Variants in NF1 observed in about 807,000 individuals in gnomAD.
NF1 encodes neurofibromin 1.
A neutral mutation model predicts 325.7 loss-of-function variants in NF1; 122 were observed. That is an observed-to-expected ratio of 0.37 (90% CI 0.32 to 0.44). NF1 has a LOEUF of 0.44. NF1 is among the 20% of genes least tolerant of loss of function. The pLI, the probability that NF1 is intolerant of heterozygous loss-of-function variation, is 1.00. For synonymous variants in NF1, 1,091 were observed against 1,186.0 expected (o/e 0.92, Z 1.65); for missense variants, 2,140 against 3,415.4 (o/e 0.63, Z 9.31).
chr17:31,185,592 A>G (rs2066224221), intron 8 of NF1, among the ~76,000 whole-genome samples: 1 of 152,160 alleles, frequency 6.6e-6, no homozygotes, highest in Non-Finnish European at 1.5e-5. Context: ...ATATTGCTGC[A>G]TTTGGCCCCT....
chr17:31,348,503 G>A (rs1023855702), intron 48 of NF1, among the ~76,000 whole-genome samples: 1 of 149,866 alleles, frequency 6.7e-6, no homozygotes, highest in Non-Finnish European at 1.5e-5. Flanking sequence ...CAGCAGTTGA[G>A]CAGTTTGGTC....
At chr17:31,276,577 T>C (rs912241335) in intron 36 of NF1, among the ~76,000 whole-genome samples, 4 of 152,244 alleles carry the variant, frequency 2.6e-5, no homozygotes, top group Admixed American at 6.5e-5. Flanking sequence ...CTTATCTGCA[T>C]AGATGGGAGG....
chr17:31,335,085 C>T (rs2151550949), intron 40 of NF1, 54 bp downstream of exon 40: 6 of 1,470,502 alleles, frequency 4.1e-6, no homozygotes, highest in South Asian at 1.1e-5. Flanking sequence ...ACATATTTAT[C>T]TGGTGCCACA....
Position 31,159,040 on chromosome 17 carries a change from T to C in NF1, c.235T>C (p.Leu79=), listed in dbSNP as rs764855221. The change falls in exon 3 of 58, where the codon TTA becomes CTA. Residue 79 remains leucine (L), a synonymous_variant. Coordinates refer to ENST00000358273, the MANE Select transcript of NF1 (RefSeq NM_001042492.3). ...RIFGEAAEKN[L]YLSQLIILDT... is the part of the protein sequence containing the mutation. ...ATTTGGAGAAGCTGCTGAAAAAAAT[T>C]TATATCTCTCTCAGTTGATTATATT... 3.7e-6 allele frequency: 6 copies of C among 1,609,042 alleles called. No homozygotes were observed. The highest frequency in any genetic ancestry group is 4.3e-6 in the Non-Finnish European group (5 of 1,175,616).
intron 16 of NF1, among the ~76,000 whole-genome samples, chr17:31,224,027 T>A (rs1289396582): frequency 2.6e-5 from 4 of 152,194 alleles, no homozygotes; most frequent in African/African-American, 7.2e-5. Context: ...ATCATAGCTC[T>A]GAGAAATCGT....
intron 5 of NF1, among the ~76,000 whole-genome samples, chr17:31,177,341 A>G (rs559307774): frequency 6.6e-6 from 1 of 152,244 alleles, no homozygotes; most frequent in South Asian, 2.1e-4. Context: ...GCCTGTTAGA[A>G]GGAAAACTAA....
chr17:31,104,282 A>G (rs187839594), intron 1 of NF1, among the ~76,000 whole-genome samples: 3 of 152,268 alleles, frequency 2.0e-5, no homozygotes, highest in Admixed American at 2.0e-4. Flanking sequence ...ACTTTTAAGG[A>G]TAAGCAGCGT....
intron 1 of NF1, among the ~76,000 whole-genome samples, chr17:31,149,446 G>A (rs1287896978): frequency 6.6e-6 from 1 of 151,980 alleles, no homozygotes; most frequent in Admixed American, 6.6e-5. Context: ...TTATAGGCAC[G>A]CGCCACCATG....
At chr17:31,343,894 T>C (rs1464110325) in intron 48 of NF1, among the ~76,000 whole-genome samples, 2 of 150,918 alleles carry the variant, frequency 1.3e-5, no homozygotes, top group Non-Finnish European at 2.9e-5. Context: ...AGGTCAAGGC[T>C]GCAGTGGGCC....
chr17:31,281,486 T>A (rs2068117251), intron 36 of NF1, among the ~76,000 whole-genome samples: 1 of 152,224 alleles, frequency 6.6e-6, no homozygotes. Flanking sequence ...TCATCTTAAA[T>A]CATCATAGTG....
chr17:31,374,002 T>C lies in NF1; in HGVS notation c.8378-11T>C, dbSNP rs2151601181. ...AAAGAAGAAGTAACTGGCTGTTCTCTTTTTCTCCAGGAATCGACAAGGAGA... is the reference window on the plus strand; with the variant it reads ...AAAGAAGAAGTAACTGGCTGTTCTCCTTTTCTCCAGGAATCGACAAGGAGA... On this transcript the variant is annotated splice_polypyrimidine_tract_variant and intron_variant, in intron 57 of 57. Coordinates refer to ENST00000358273, the MANE Select transcript of NF1 (RefSeq NM_001042492.3). The C allele has an allele frequency of 6.2e-7, 1 of 1,613,904 alleles. No individual in the cohort carries two copies. Among genetic ancestry groups the C allele is most frequent in the African/African-American group, 1.3e-5 (1 of 75,012 alleles).
rs17881700 is a variant in NF1, at chr17:31,330,584, A to G, written c.5812+86A>G. The G allele has an allele frequency of 2.6e-4, 269 of 1,035,794 alleles. No homozygotes were observed. The African/African-American group carries it at 3.8e-3, about 15-fold the overall frequency. 64.2% of individuals were successfully genotyped at this position (1,035,794 alleles called of 1,614,324 possible). A position where few individuals can be genotyped will look rare whatever the true frequency, so the allele number is the denominator to read the frequency against. ...CTTTCATTTCAGAATTTTCCAGTGA[A>G]GACTTTCACTTACATTTTTACTTTT... On this transcript the variant is annotated intron_variant, in intron 39 of 57. Coordinates refer to ENST00000358273, the MANE Select transcript of NF1 (RefSeq NM_001042492.3).
intron 25 of NF1, 81 bp downstream of exon 25, chr17:31,232,270 C>T: frequency 2.4e-6 from 2 of 844,302 alleles, no homozygotes; most frequent in South Asian, 2.7e-5. Context: ...GAAATAATAC[C>T]CATGACAGGA....
intron 36 of NF1, among the ~76,000 whole-genome samples, chr17:31,286,494 C>T (rs987839877): frequency 5.9e-5 from 9 of 152,118 alleles, no homozygotes; most frequent in African/African-American, 1.7e-4. Context: ...AGGCAAGAGA[C>T]TCATAATACT....
chr17:31,105,408 A>G (rs1386733911), intron 1 of NF1, among the ~76,000 whole-genome samples: 1 of 152,228 alleles, frequency 6.6e-6, no homozygotes, highest in Non-Finnish European at 1.5e-5. Context: ...TTTAAACCAT[A>G]GTCTGGCACT....
Position 31,375,030 on chromosome 17 carries a change from T to A in NF1, c.*875T>A, listed in dbSNP as rs886052806. 155 of 201,342 alleles carry A rather than the reference T, an allele frequency of 7.7e-4. No individual in the cohort carries two copies. Among genetic ancestry groups the A allele is most frequent in the Non-Finnish European group, 6.4e-4 (63 of 97,740 alleles). The allele number at this position is 201,342 out of a possible 1,614,324, so 12.5% of individuals were successfully genotyped here. On this transcript the variant is annotated 3_prime_UTR_variant, in exon 58 of 58. Coordinates refer to ENST00000358273, the MANE Select transcript of NF1 (RefSeq NM_001042492.3). The stretch of plus-strand genomic sequence containing the variant: ...ATAGTAATTATATATATATATATAT[T>A]TTTTCCCCTCCCCCTCTTCTTTCCT...
intron 1 of NF1, among the ~76,000 whole-genome samples, chr17:31,126,940 C>T (rs1002617262): frequency 1.1e-4 from 16 of 152,128 alleles, no homozygotes; most frequent in Non-Finnish European, 2.2e-4. Flanking sequence ...TTCACTTTTA[C>T]ATTGAAGTCT....
intron 7 of NF1, 35 bp from the exon 8 acceptor site, chr17:31,182,473 A>G (rs745341550): frequency 3.1e-6 from 5 of 1,606,950 alleles, no homozygotes; most frequent in African/African-American, 1.3e-5. Context: ...TTTTGTTCCT[A>G]TCTAATAATG....
chr17:31,129,505 C>T (rs1469195809), intron 1 of NF1, among the ~76,000 whole-genome samples: 3 of 147,148 alleles, frequency 2.0e-5, no homozygotes, highest in South Asian at 2.1e-4. Flanking sequence ...TCTCAGCTCA[C>T]TGCAACCTCT....
Sources: allele counts gnomAD v4.1 joint callset (sites outside exome capture counted in the v4.1 genomes callset), GRCh38; gene constraint gnomAD v4.1.1; transcripts MANE v1.5; gene names NCBI Gene and HGNC (gene_info 2026-07-23, HGNC 2026-07-21).